The following CREBBP variants were observed in gnomAD, a reference collection of about 807,000 sequenced individuals.
CREBBP encodes CREB-binding protein.
In CREBBP, 19 loss-of-function variants were observed where a neutral mutation model predicts 265.0. The observed-to-expected ratio is 0.07, with a 90% CI of 0.05 to 0.11. CREBBP has a LOEUF of 0.11. Among genes scored for constraint, CREBBP ranks in the 10% least tolerant of loss-of-function variants. CREBBP has a pLI of 1.00. For missense variants in CREBBP, 2,525 were observed against 3,219.0 expected (o/e 0.78, Z 5.22); for synonymous variants, 1,457 against 1,223.7 (o/e 1.19, Z -3.98).
At chr16:3,873,003 G>A in intron 1 of CREBBP, among the ~76,000 whole-genome samples, 1 of 152,224 alleles carries the variant, frequency 6.6e-6, no homozygotes, top group South Asian at 2.1e-4. Flanking sequence ...ACCCTTTCTG[G>A]TTCCAGAGTT....
intron 5 of CREBBP, among the ~76,000 whole-genome samples, chr16:3,790,957 G>A (rs545952609): frequency 1.3e-5 from 2 of 152,130 alleles, no homozygotes; most frequent in Non-Finnish European, 2.9e-5. Context: ...ATGTTCTCCA[G>A]GCAGCTGCGG....
At chr16:3,825,538 TG>T in intron 2 of CREBBP, among the ~76,000 whole-genome samples, 1 of 152,148 alleles carries the variant, frequency 6.6e-6, no homozygotes, top group Non-Finnish European at 1.5e-5. Context: ...TGGAGGGCTC[TG>T]GACACTTTGC....
intron 22 of CREBBP, 50 bp downstream of exon 22, chr16:3,745,227 G>A (rs754986861): frequency 2.1e-5 from 33 of 1,536,336 alleles, no homozygotes; most frequent in Middle Eastern, 1.7e-4. Context: ...CAACTGCCCC[G>A]CCACTGGCTC....
At chr16:3,777,791 G>A (rs1443989280) in intron 10 of CREBBP, 134 bp from the exon 11 acceptor site, 1 of 1,132,906 alleles carries the variant, frequency 8.8e-7, no homozygotes, top group Non-Finnish European at 1.3e-6. Flanking sequence ...AAAAGCACGT[G>A]TGTTCCAATG....
At chr16:3,856,352 C>T (rs1470315803) in intron 1 of CREBBP, among the ~76,000 whole-genome samples, 1 of 152,054 alleles carries the variant, frequency 6.6e-6, no homozygotes, top group Non-Finnish European at 1.5e-5. Flanking sequence ...GGTCTTGCTC[C>T]GGCACCCAGG....
intron 3 of CREBBP, among the ~76,000 whole-genome samples, chr16:3,806,479 G>C (rs1056676047): frequency 7.3e-5 from 11 of 150,928 alleles, no homozygotes; most frequent in Non-Finnish European, 1.5e-4. Context: ...TCACACCTAC[G>C]AACTCCACAT....
intron 1 of CREBBP, among the ~76,000 whole-genome samples, chr16:3,873,625 T>G (rs182090758): frequency 1.3e-4 from 20 of 152,254 alleles, no homozygotes; most frequent in Admixed American, 6.5e-5. Context: ...ACACATCATC[T>G]CAGGCTACCC....
intron 2 of CREBBP, among the ~76,000 whole-genome samples, chr16:3,845,543 A>G (rs1462414857): frequency 6.6e-6 from 1 of 152,168 alleles, no homozygotes; most frequent in Non-Finnish European, 1.5e-5. Context: ...AAAAATATAT[A>G]CTGCTGGATC....
intron 2 of CREBBP, among the ~76,000 whole-genome samples, chr16:3,849,440 TGTGTGTGTGTGTGTG>T (rs2054762252): frequency 2.7e-4 from 4 of 14,866 alleles, no homozygotes; most frequent in Admixed American, 1.6e-3. Flanking sequence ...TGTGTGTGTG[TGTGTGTGTGTGTGTG>T]TGTGTGTGTG....
At chr16:3,846,615 A>G (rs2054672560) in intron 2 of CREBBP, among the ~76,000 whole-genome samples, 1 of 152,204 alleles carries the variant, frequency 6.6e-6, no homozygotes, top group South Asian at 2.1e-4. Context: ...AGGAATTCCT[A>G]TTGTACCTAT....
Position 3,767,601 on chromosome 16 carries a change from A to G in CREBBP, c.3250+119T>C. 3 of 1,380,820 alleles carry G rather than the reference A, an allele frequency of 2.2e-6. No individual in the cohort carries two copies. In the Admixed American group the frequency reaches 5.6e-5, roughly 26 times the overall value. The allele number at this position is 1,380,820 out of a possible 1,614,324, so 85.5% of individuals were successfully genotyped here. ...GGGGAAAGTCTGGGGAATGGCAGGCAAGAAAGGTAAAAGGGCAGATAGAAT... is the reference window on the plus strand; with the variant it reads ...GGGGAAAGTCTGGGGAATGGCAGGCGAGAAAGGTAAAAGGGCAGATAGAAT... On this transcript the variant is annotated intron_variant, in intron 16 of 30. Transcript: ENST00000262367.
At chr16:3,747,758 C>T (rs945639607) in intron 21 of CREBBP, among the ~76,000 whole-genome samples, 5 of 152,150 alleles carry the variant, frequency 3.3e-5, no homozygotes, top group Admixed American at 2.6e-4. Context: ...GTCAGGAGTT[C>T]AAGACCAGCC....
intron 5 of CREBBP, among the ~76,000 whole-genome samples, chr16:3,788,661 T>G (rs2053441239): frequency 6.6e-6 from 1 of 152,042 alleles, no homozygotes; most frequent in African/African-American, 2.4e-5. Flanking sequence ...CAAGGAAAAA[T>G]CGAATGAGGC....
At position 3,759,517 on chromosome 16, in the gene CREBBP, A is replaced by ACCT. The variant is rs1187738973; in HGVS notation, c.3251-546_3251-545insAGG. On this transcript the variant is annotated intron_variant, in intron 16 of 30. Transcript: ENST00000262367. ...AAGGAAAATTGCTTGAACCCAGGAG[A>ACCT]CGGAGGTTGCAGTGAGCCGAGATTG... is the stretch of plus-strand genomic sequence containing the variant. Among the ~76,000 whole-genome samples, 4 of 150,900 alleles carry ACCT rather than the reference A, an allele frequency of 2.7e-5. No homozygotes were observed. The East Asian group carries it at 7.8e-4, about 30-fold the overall frequency.
intron 20 of CREBBP, among the ~76,000 whole-genome samples, chr16:3,750,878 C>T (rs2052456915): frequency 6.6e-6 from 1 of 152,148 alleles, no homozygotes; most frequent in Admixed American, 6.5e-5. Context: ...GGCATGTACA[C>T]CAAACTCATT....
chr16:3,738,995 G>A (rs537788630), intron 25 of CREBBP, among the ~76,000 whole-genome samples: 14 of 152,144 alleles, frequency 9.2e-5, no homozygotes, highest in African/African-American at 2.6e-4. Flanking sequence ...CTCCCACCTC[G>A]GCCTCCCACA....
chr16:3,736,914 G>C, intron 26 of CREBBP, 99 bp from the exon 27 acceptor site: 1 of 1,410,362 alleles, frequency 7.1e-7, no homozygotes, highest in Non-Finnish European at 9.9e-7. Context: ...AGCCAGGACA[G>C]AAGTAACCAG....
chr16:3,839,283 T>G (rs1408458602), intron 2 of CREBBP, among the ~76,000 whole-genome samples: 2 of 152,248 alleles, frequency 1.3e-5, no homozygotes, highest in Non-Finnish European at 2.9e-5. Flanking sequence ...CAGTCTGAGC[T>G]GCCGCTATTA....
At position 3,725,332 on chromosome 16, in the gene CREBBP, G is replaced by A. The variant is rs538684283; in HGVS notation, c.*2386C>T. 4.7e-5 allele frequency: 11 copies of A among 233,116 alleles called. No homozygotes were observed. Among genetic ancestry groups the A allele is most frequent in the African/African-American group, 1.1e-4 (5 of 45,350 alleles). 14.4% of individuals were successfully genotyped at this position (233,116 alleles called of 1,614,324 possible). On this transcript the variant is annotated 3_prime_UTR_variant, in exon 31 of 31. Transcript: ENST00000262367. ...AAAGAGGATGAGGTTGGTACATAAC[G>A]TTTTGAATTCCAGGATAACCTGAAA...
Sources: gnomAD v4.1 joint callset for allele counts (sites outside exome capture counted in the v4.1 genomes callset) on GRCh38, gnomAD v4.1.1 for gene constraint, MANE v1.5 for transcripts, NCBI Gene and HGNC (gene_info 2026-07-23, HGNC 2026-07-21) for gene names.